Variants in NDUFA10 observed in about 807,000 individuals in gnomAD.
NDUFA10 encodes the protein NADH dehydrogenase [ubiquinone] 1 alpha subcomplex subunit 10, mitochondrial.
NDUFA10 carries 40 observed loss-of-function variants against 47.8 expected under a neutral mutation model. That is an observed-to-expected ratio of 0.84 (90% CI 0.65 to 1.09). NDUFA10 has a LOEUF of 1.09. Among genes scored for constraint, NDUFA10 ranks in the 50% least tolerant of loss-of-function variants. NDUFA10 has a pLI of 0.00. For synonymous variants in NDUFA10, 183 were observed against 172.2 expected, an observed-to-expected ratio of 1.06 and a Z score of -0.49; for missense variants, 413 against 451.1, an observed-to-expected ratio of 0.92 and a Z score of 0.76.
chr2:240,017,702 C>A, intron 4 of NDUFA10: 1 of 812,842 alleles, frequency 1.2e-6, no homozygotes, highest in South Asian at 1.6e-5. Context: ...CAGCCCCTAT[C>A]AGAAGCACGG....
downstream of NDUFA10, among the ~76,000 whole-genome samples, chr2:239,954,859 G>C (rs1286992492): frequency 2.6e-5 from 4 of 152,156 alleles, no homozygotes; most frequent in African/African-American, 7.2e-5. Context: ...ACACAGCCCG[G>C]AAGTGTGAGT....
intron 9 of NDUFA10, among the ~76,000 whole-genome samples, chr2:239,985,510 C>T (rs966999859): frequency 1.3e-5 from 2 of 151,400 alleles, no homozygotes; most frequent in African/African-American, 4.9e-5. Context: ...CAGAAAGGAG[C>T]AGACACACGA....
At chr2:239,941,191 G>A (rs1293118306) in intron 4 of NDUFA10, among the ~76,000 whole-genome samples, 8 of 152,144 alleles carry the variant, frequency 5.3e-5, no homozygotes, top group Non-Finnish European at 7.3e-5. Flanking sequence ...AACCATTTAC[G>A]TTCCTTAAAA....
intron 9 of NDUFA10, among the ~76,000 whole-genome samples, chr2:239,986,294 T>G (rs2106437100): frequency 6.6e-6 from 1 of 152,316 alleles, no homozygotes; most frequent in East Asian, 1.9e-4. Flanking sequence ...AAAGCTGTTC[T>G]GCGGGACTGG....
rs879516575 is a variant in NDUFA10, at chr2:239,898,950, G to A, written c.295-3636C>T. 7.3e-3 allele frequency among the ~76,000 whole-genome samples: 813 copies of A among 111,560 alleles called. 3 individuals carry two copies. The highest frequency in any genetic ancestry group is 0.012 in the South Asian group (34 of 2,914). The allele number at this position is 111,560 out of a possible 152,430, so 73.2% of individuals were successfully genotyped here. On this transcript the variant is annotated intron_variant, in intron 4 of 5. Transcript: ENST00000419408. ...TGGAGGGGTGTGACGGAGGGGTGTG[G>A]AGGGGTGTGGCAGGGTGTGATGAAG...
Position 239,990,095 on chromosome 2 carries a change from A to T in NDUFA10, c.978T>A (p.Arg326=), listed in dbSNP as rs777314877. 1 of 1,612,104 alleles carries T rather than the reference A, an allele frequency of 6.2e-7. No individual in the cohort carries two copies. Among genetic ancestry groups the T allele is most frequent in the Non-Finnish European group, 8.5e-7 (1 of 1,178,144 alleles). The part of the protein sequence containing the change: ...EVTIGAHQTD[R]VLHQFRELPG... Reference sequence around the variant, plus strand: ...TTACCTCTCTGAACTGATGTAAGACACGGTCAGTCTGATGAGCTCCAATGG... The same window carrying T: ...TTACCTCTCTGAACTGATGTAAGACTCGGTCAGTCTGATGAGCTCCAATGG... Residue 326 remains arginine (R), a synonymous_variant, in exon 9 of 10, where the codon CGT becomes CGA. Transcript: ENST00000252711.
intron 4 of NDUFA10, among the ~76,000 whole-genome samples, chr2:239,903,458 C>T (rs1378441846): frequency 2.0e-4 from 30 of 152,178 alleles, no homozygotes; most frequent in Admixed American, 2.0e-3. Flanking sequence ...GGCTGCTCTG[C>T]ATGTCCCAGG....
chr2:239,945,889 G>A lies in NDUFA10; in HGVS notation c.294+44185C>T, dbSNP rs1694444111. Among the ~76,000 whole-genome samples, 1 of 152,170 alleles carries A rather than the reference G, an allele frequency of 6.6e-6. No homozygotes were observed. Among genetic ancestry groups the A allele is most frequent in the African/African-American group, 2.4e-5 (1 of 41,450 alleles). ...CCAGAAGCACCCTGTGTGCAACCCA[G>A]GTGCCTGGAGCAGGAGGGTGGAAGA... On this transcript the variant is annotated intron_variant, in intron 4 of 5. Transcript: ENST00000419408. The surrounding 1 kb of genome is among the most constrained non-coding windows in gnomAD (Gnocchi z 4.6).
chr2:240,014,719 T>C lies in NDUFA10; in HGVS notation c.669+20A>G, dbSNP rs373481357. ...CATTCAAAATAGAGATGCTTGGCCT[T>C]TGATTGAAAACTGCATTACATCTCC... On this transcript the variant is annotated intron_variant, in intron 5 of 9. Transcript: ENST00000252711. The C allele has an allele frequency of 1.1e-5, 18 of 1,614,002 alleles. No homozygotes were observed. Among genetic ancestry groups the C allele is most frequent in the Non-Finnish European group, 1.4e-5 (17 of 1,179,980 alleles).
At chr2:239,983,666 G>C (rs1329890916) in intron 9 of NDUFA10, 2 of 1,578,366 alleles carry the variant, frequency 1.3e-6, no homozygotes, top group Non-Finnish European at 1.7e-6. Context: ...AAGTGCCCCT[G>C]ATGCTTCACC....
At chr2:239,909,867 T>C (rs568527704) in intron 4 of NDUFA10, among the ~76,000 whole-genome samples, 37 of 150,384 alleles carry the variant, frequency 2.5e-4, no homozygotes, top group African/African-American at 8.3e-4. Context: ...GACAAAGATC[T>C]AATATCGAGT....
intron 8 of NDUFA10, among the ~76,000 whole-genome samples, chr2:240,002,258 A>T (rs1440381479): frequency 1.4e-4 from 20 of 144,310 alleles, no homozygotes; most frequent in Admixed American, 1.2e-3. Context: ...CTGAACCAGG[A>T]GGCAGAGGTT....
At chr2:239,950,007 C>G (rs1694524570) in intron 4 of NDUFA10, among the ~76,000 whole-genome samples, 1 of 152,180 alleles carries the variant, frequency 6.6e-6, no homozygotes, top group Admixed American at 6.5e-5. Flanking sequence ...GGGGAGGTCC[C>G]ACCCTAGAGC....
At chr2:240,018,516 C>A in intron 4 of NDUFA10, 37 bp downstream of exon 4, 1 of 1,614,198 alleles carries the variant, frequency 6.2e-7, no homozygotes, top group Non-Finnish European at 8.5e-7. Flanking sequence ...CAAAGTCGCA[C>A]CACACACCCA....
intron 9 of NDUFA10, among the ~76,000 whole-genome samples, chr2:239,970,227 G>A (rs1695254355): frequency 6.6e-6 from 1 of 152,166 alleles, no homozygotes; most frequent in Admixed American, 6.5e-5. Flanking sequence ...AACTATGCAA[G>A]CCAAGAGGCA....
chr2:240,021,792 T>A (rs964553077), intron 2 of NDUFA10, among the ~76,000 whole-genome samples: 1 of 152,182 alleles, frequency 6.6e-6, no homozygotes, highest in African/African-American at 2.4e-5. Flanking sequence ...GACCCAGCTA[T>A]GTGGCATCTG....
chr2:239,996,586 T>C (rs549732875), intron 8 of NDUFA10, among the ~76,000 whole-genome samples: 1 of 152,350 alleles, frequency 6.6e-6, no homozygotes, highest in East Asian at 1.9e-4. Flanking sequence ...CATTCTTCTG[T>C]TGTCCAGGGC....
chr2:239,934,916 G>A (rs1694239615), intron 4 of NDUFA10, among the ~76,000 whole-genome samples: 1 of 152,156 alleles, frequency 6.6e-6, no homozygotes, highest in African/African-American at 2.4e-5. Context: ...AGCTCCCACT[G>A]GGGCCTAGGA....
At chr2:239,923,282 A>G (rs1574781727) in intron 4 of NDUFA10, among the ~76,000 whole-genome samples, 1 of 152,336 alleles carries the variant, frequency 6.6e-6, no homozygotes, top group Middle Eastern at 3.4e-3. Context: ...AGATGCATAA[A>G]AACTGAGCAC....
Sources: gnomAD v4.1 joint callset for allele counts (sites outside exome capture counted in the v4.1 genomes callset) on GRCh38, gnomAD v4.1.1 for gene constraint, Gnocchi (gnomAD v3.1) non-coding constraint, MANE v1.5 for transcripts, NCBI Gene and HGNC (gene_info 2026-07-23, HGNC 2026-07-21) for gene names.